The following STK33 variants were observed in gnomAD, a reference collection of about 807,000 sequenced individuals.
STK33 encodes the protein serine/threonine kinase 33, also known as serine/threonine-protein kinase 33.
STK33 carries 52 observed loss-of-function variants against 58.0 expected under a neutral mutation model. The observed-to-expected ratio is 0.90, with a 90% CI of 0.72 to 1.13. The LOEUF (loss-of-function observed/expected upper bound fraction) is 1.13. Among genes scored for constraint, STK33 ranks in the 50% most tolerant of loss-of-function variants. STK33 has a pLI of 0.00. For synonymous variants in STK33, 215 were observed against 200.1 expected, an observed-to-expected ratio of 1.07 and a Z score of -0.63; for missense variants, 630 against 604.2, an observed-to-expected ratio of 1.04 and a Z score of -0.45.
chr11:8,421,075 G>C (rs1033048606), intron 14 of STK33, among the ~76,000 whole-genome samples: 17 of 151,770 alleles, frequency 1.1e-4, no homozygotes, highest in African/African-American at 4.1e-4. Context: ...CAGTACAAAA[G>C]CCTTTTCTCA....
chr11:8,363,692 G>A, the STK33 span, among the ~76,000 whole-genome samples: 5 of 152,342 alleles, frequency 3.3e-5, no homozygotes, highest in South Asian at 2.1e-4. Context: ...GAAATCACAC[G>A]GGGAGATCCT....
chr11:8,579,248 T>A (rs1022659587), intron 1 of STK33, among the ~76,000 whole-genome samples: 3 of 152,038 alleles, frequency 2.0e-5, no homozygotes, highest in East Asian at 3.8e-4. Context: ...AGGTTTTTTA[T>A]TAAATCTAAA....
At chr11:8,452,584 G>C (rs759609832) in intron 11 of STK33, among the ~76,000 whole-genome samples, 2 of 151,996 alleles carry the variant, frequency 1.3e-5, no homozygotes, top group African/African-American at 4.8e-5. Flanking sequence ...GGAGTTTTGA[G>C]ACCATCCCGG....
chr11:8,582,397 G>C (rs111575711), intron 1 of STK33, among the ~76,000 whole-genome samples: 47 of 152,294 alleles, frequency 3.1e-4, no homozygotes, highest in African/African-American at 9.6e-4. Context: ...AAAGGAAAGG[G>C]GTTTAATTGA....
intron 11 of STK33, among the ~76,000 whole-genome samples, chr11:8,451,920 G>A (rs75498779): frequency 0.048 from 7,310 of 152,162 alleles, 255 homozygotes; most frequent in Non-Finnish European, 0.065. Context: ...AAAATGCAAA[G>A]AGGGCTGGGC....
chr11:8,402,382 A>G lies in STK33; in HGVS notation c.1345-9672T>C, dbSNP rs1185478732. Among the ~76,000 whole-genome samples the G allele has an allele frequency of 3.3e-5, 5 of 151,724 alleles. No individual in the cohort carries two copies. In the South Asian group the frequency reaches 6.3e-4, roughly 19 times the overall value. On this transcript the variant is annotated intron_variant, in intron 15 of 15. Transcript: ENST00000687296. ...TCACAAGGACAAAAAACCAAACACC[A>G]CGTGTTCTCACTCATAGGTGGGAAT...
intron 11 of STK33, among the ~76,000 whole-genome samples, chr11:8,445,504 T>G (rs1945320028): frequency 6.6e-6 from 1 of 152,222 alleles, no homozygotes; most frequent in African/African-American, 2.4e-5. Context: ...CAGTATGATA[T>G]TCGCTGTTGG....
chr11:8,542,661 T>C (rs1321857108), intron 1 of STK33, among the ~76,000 whole-genome samples: 1 of 152,184 alleles, frequency 6.6e-6, no homozygotes, highest in Non-Finnish European at 1.5e-5. Flanking sequence ...TCAAATATGC[T>C]TGGATGATGC....
intron 1 of STK33, among the ~76,000 whole-genome samples, chr11:8,550,724 C>T (rs1305855042): frequency 6.6e-6 from 1 of 152,178 alleles, no homozygotes; most frequent in Admixed American, 6.5e-5. Flanking sequence ...TCTGAGACCA[C>T]CTCAGCCTGG....
intron 15 of STK33, among the ~76,000 whole-genome samples, chr11:8,407,533 G>T (rs1444155601): frequency 6.6e-6 from 1 of 151,976 alleles, no homozygotes; most frequent in Non-Finnish European, 1.5e-5. Context: ...GAACGATTCA[G>T]ATTTTCTATT....
chr11:8,362,936 T>C, the STK33 span, among the ~76,000 whole-genome samples: 1 of 24,724 alleles, frequency 4.0e-5, no homozygotes, highest in African/African-American at 7.6e-5. Context: ...TTTCCTTTTT[T>C]CCTTCCTTCC....
chr11:8,564,829 C>G (rs1027940552), intron 1 of STK33, among the ~76,000 whole-genome samples: 1 of 152,176 alleles, frequency 6.6e-6, no homozygotes, highest in Non-Finnish European at 1.5e-5. Flanking sequence ...ATTCAACAAC[C>G]GGTGCCTTTA....
intron 1 of STK33, among the ~76,000 whole-genome samples, chr11:8,540,609 A>C (rs1378318133): frequency 1.3e-5 from 2 of 152,224 alleles, no homozygotes; most frequent in Non-Finnish European, 2.9e-5. Flanking sequence ...AACCTAGCAG[A>C]TATTATGCTA....
At chr11:8,587,494 C>A (rs2031883507) in intron 1 of STK33, among the ~76,000 whole-genome samples, 1 of 151,830 alleles carries the variant, frequency 6.6e-6, no homozygotes, top group Non-Finnish European at 1.5e-5. Context: ...ACGAGGCACA[C>A]CTCCCTATCA....
chr11:8,509,746 G>A (rs1952158971), intron 1 of STK33, among the ~76,000 whole-genome samples: 1 of 152,056 alleles, frequency 6.6e-6, no homozygotes, highest in African/African-American at 2.4e-5. Context: ...ACTTATAAGT[G>A]AGAACATATG....
intron 2 of STK33, among the ~76,000 whole-genome samples, chr11:8,478,322 A>C (rs1949475057): frequency 2.0e-5 from 3 of 152,220 alleles, no homozygotes; most frequent in African/African-American, 7.2e-5. Flanking sequence ...CAAAAACCAA[A>C]GAATCTTCTA....
chr11:8,519,312 C>T (rs1953146139), intron 1 of STK33, among the ~76,000 whole-genome samples: 2 of 152,090 alleles, frequency 1.3e-5, no homozygotes, highest in Admixed American at 6.6e-5. Flanking sequence ...AGACACAACA[C>T]ACCAGAATCT....
chr11:8,401,289 G>A (rs968532054), intron 15 of STK33, among the ~76,000 whole-genome samples: 1 of 152,104 alleles, frequency 6.6e-6, no homozygotes, highest in African/African-American at 2.4e-5. Context: ...CAATGGAACA[G>A]AACAGAGCCC....
At chr11:8,342,603 C>T in the STK33 span, among the ~76,000 whole-genome samples, 1,217 of 152,326 alleles carry the variant, frequency 8.0e-3, 13 homozygotes, top group African/African-American at 0.027. Context: ...ACACTTGCTA[C>T]GTATCAACCA....
Sources: allele counts gnomAD v4.1 joint callset (sites outside exome capture counted in the v4.1 genomes callset), GRCh38; gene constraint gnomAD v4.1.1; transcripts MANE v1.5; gene names NCBI Gene and HGNC (gene_info 2026-07-23, HGNC 2026-07-21).